The following OPCML variants were observed in gnomAD, a reference collection of about 807,000 sequenced individuals.
OPCML encodes opioid binding protein/cell adhesion molecule like, also known as opioid-binding protein/cell adhesion molecule.
Under a neutral mutation model 37.8 loss-of-function variants are expected in OPCML, and 13 were observed. The ratio of observed to expected loss-of-function variants is 0.34; its 90% CI spans 0.22 to 0.55. The LOEUF (loss-of-function observed/expected upper bound fraction) is 0.55, where lower values mean the gene tolerates loss of function less well. Among genes scored for constraint, OPCML ranks in the 20% least tolerant of loss-of-function variants. The pLI is 0.91. For synonymous variants in OPCML, 176 were observed against 168.8 expected, an observed-to-expected ratio of 1.04 and a Z score of -0.33; for missense variants, 341 against 435.6, an observed-to-expected ratio of 0.78 and a Z score of 1.93.
intron 1 of OPCML, among the ~76,000 whole-genome samples, chr11:133,470,092 A>G (rs1198726030): frequency 6.6e-6 from 1 of 152,198 alleles, no homozygotes; most frequent in Non-Finnish European, 1.5e-5. Context: ...CTGCAATCCC[A>G]GAATAATGGC....
chr11:133,477,456 G>T lies in OPCML; in HGVS notation c.61+54808C>A, dbSNP rs550497098. Among the ~76,000 whole-genome samples the T allele has an allele frequency of 2.6e-5, 4 of 152,292 alleles. No homozygotes were observed. In the South Asian group the frequency reaches 8.3e-4, roughly 32 times the overall value. On this transcript the variant is annotated intron_variant, in intron 1 of 7. Coordinates refer to ENST00000524381, the MANE Select transcript of OPCML (RefSeq NM_001012393.5). ...CCTCAGTGCACTAGAGGTGGCAGTG[G>T]GTGGAAAATGCACATCACAGCCATT...
At chr11:133,219,567 C>T (rs944683133) in intron 1 of OPCML, among the ~76,000 whole-genome samples, 1 of 152,148 alleles carries the variant, frequency 6.6e-6, no homozygotes, top group African/African-American at 2.4e-5. Flanking sequence ...ATAATCCATC[C>T]CCTGGGTCCC....
chr11:133,025,197 A>T, intron 1 of OPCML: 1 of 588,140 alleles, frequency 1.7e-6, no homozygotes, highest in Non-Finnish European at 2.1e-6. Flanking sequence ...ATATGGGGTG[A>T]CTTATTCTAT....
chr11:133,285,377 T>C (rs1942268055), intron 1 of OPCML, among the ~76,000 whole-genome samples: 1 of 152,184 alleles, frequency 6.6e-6, no homozygotes, highest in East Asian at 1.9e-4. Flanking sequence ...ATAACTCAGC[T>C]GGTATTTGGA....
chr11:133,156,786 A>C (rs1050715260), intron 1 of OPCML, among the ~76,000 whole-genome samples: 1 of 152,114 alleles, frequency 6.6e-6, no homozygotes, highest in Non-Finnish European at 1.5e-5. Context: ...TTCTAACTAA[A>C]ATTAAAAATA....
At chr11:133,026,327 T>C in intron 1 of OPCML, 2 of 948,414 alleles carry the variant, frequency 2.1e-6, no homozygotes, top group African/African-American at 1.8e-5. Context: ...CAACATTTGA[T>C]AGTTTTCCTG....
chr11:133,248,502 G>A (rs1941025670), intron 1 of OPCML, among the ~76,000 whole-genome samples: 1 of 152,204 alleles, frequency 6.6e-6, no homozygotes, highest in African/African-American at 2.4e-5. Context: ...TACATAGGAA[G>A]CTTGAACAAG....
intron 2 of OPCML, among the ~76,000 whole-genome samples, chr11:132,684,569 A>C (rs879277479): frequency 6.6e-6 from 1 of 152,228 alleles, no homozygotes; most frequent in Non-Finnish European, 1.5e-5. Flanking sequence ...TTTCTACCTC[A>C]ATAGGACAAA....
At chr11:133,531,703 G>T (rs1034300001) in intron 1 of OPCML, among the ~76,000 whole-genome samples, 2 of 151,120 alleles carry the variant, frequency 1.3e-5, no homozygotes, top group Non-Finnish European at 1.5e-5. Context: ...GAGCAGTTCC[G>T]AAGGAAGGGA....
intron 1 of OPCML, among the ~76,000 whole-genome samples, chr11:133,326,572 C>T (rs1412817572): frequency 3.1e-5 from 3 of 96,526 alleles, no homozygotes; most frequent in African/African-American, 8.1e-5. Flanking sequence ...TGTGGGGTGT[C>T]GGTGTGTGTA....
chr11:132,976,217 GTAGT>G (rs1946460223), intron 1 of OPCML, among the ~76,000 whole-genome samples: 1 of 152,160 alleles, frequency 6.6e-6, no homozygotes, highest in Admixed American at 6.5e-5. Context: ...AGATTTGTCT[GTAGT>G]TAGTTATTTG....
intron 2 of OPCML, among the ~76,000 whole-genome samples, chr11:132,804,716 T>C (rs1030119365): frequency 6.6e-6 from 1 of 152,194 alleles, no homozygotes; most frequent in African/African-American, 2.4e-5. Context: ...CAAGATCCAA[T>C]GTGGATCCCA....
At chr11:133,434,458 A>G (rs12787052) in intron 1 of OPCML, among the ~76,000 whole-genome samples, 21,663 of 152,090 alleles carry the variant, frequency 0.14, 1,731 homozygotes, top group African/African-American at 0.21. Flanking sequence ...AGAAGTTAGC[A>G]CTTCAACTAT....
At chr11:133,421,528 T>C (rs906005626) in intron 1 of OPCML, 1 of 985,416 alleles carries the variant, frequency 1.0e-6, no homozygotes. Context: ...TTTGAACAAA[T>C]TGTTGCAAAC....
chr11:132,582,052 T>C (rs2096463061), intron 3 of OPCML, among the ~76,000 whole-genome samples: 1 of 151,732 alleles, frequency 6.6e-6, no homozygotes, highest in Non-Finnish European at 1.5e-5. Flanking sequence ...CAGAGCTATC[T>C]TAGCATGAGC....
chr11:133,230,592 C>G (rs543192113), intron 1 of OPCML, among the ~76,000 whole-genome samples: 1 of 152,338 alleles, frequency 6.6e-6, no homozygotes, highest in East Asian at 1.9e-4. Flanking sequence ...AAGACCTTAT[C>G]TGGCACTTCG....
chr11:133,478,200 T>C (rs1947285497), intron 1 of OPCML, among the ~76,000 whole-genome samples: 1 of 152,178 alleles, frequency 6.6e-6, no homozygotes, highest in African/African-American at 2.4e-5. Flanking sequence ...ACATCGGGAA[T>C]GGCAGGAGGA....
chr11:132,854,001 G>T (rs1292475132), intron 2 of OPCML, among the ~76,000 whole-genome samples: 2 of 152,000 alleles, frequency 1.3e-5, no homozygotes, highest in African/African-American at 2.4e-5. Flanking sequence ...GATCACACAG[G>T]GTAAGGGCTT....
intron 2 of OPCML, among the ~76,000 whole-genome samples, chr11:132,889,720 A>G (rs1215880248): frequency 1.3e-5 from 2 of 152,230 alleles, no homozygotes; most frequent in African/African-American, 4.8e-5. Flanking sequence ...AGGTAGCAGC[A>G]TTGTAGAAGA....
Sources: allele counts gnomAD v4.1 joint callset (sites outside exome capture counted in the v4.1 genomes callset), GRCh38; gene constraint gnomAD v4.1.1; transcripts MANE v1.5; gene names NCBI Gene and HGNC (gene_info 2026-07-23, HGNC 2026-07-21).